CDC40: variants seen among roughly 807,000 people sequenced by gnomAD.
CDC40 encodes pre-mRNA-processing factor 17.
A neutral mutation model predicts 80.6 loss-of-function variants in CDC40; 27 were observed. That is an observed-to-expected ratio of 0.33 (90% CI 0.25 to 0.46). The LOEUF is 0.46. Among genes scored for constraint, CDC40 ranks in the 20% least tolerant of loss-of-function variants. CDC40 has a pLI of 1.00. For synonymous variants in CDC40, 221 were observed against 232.6 expected, an observed-to-expected ratio of 0.95 and a Z score of 0.45; for missense variants, 486 against 694.1, an observed-to-expected ratio of 0.70 and a Z score of 3.37.
In CDC40 at chr6:110,193,279, A is replaced by G. The variant is rs201325988; in HGVS notation, c.276+11A>G. The stretch of plus-strand genomic sequence containing the variant: ...ATGTTTGCTCCTGAGGTAAGAAAAC[A>G]TACTTAAGGTTCTGACTTTTGCTAA... On this transcript the variant is annotated intron_variant, in intron 2 of 14. Coordinates refer to ENST00000307731, the MANE Select transcript of CDC40 (RefSeq NM_015891.3). The G allele has an allele frequency of 6.8e-6, 10 of 1,472,086 alleles. No homozygotes were observed. Among genetic ancestry groups the G allele is most frequent in the East Asian group, 2.3e-5 (1 of 44,190 alleles). The allele number at this position is 1,472,086 out of a possible 1,614,324, so 91.2% of individuals were successfully genotyped here. A position where few individuals can be genotyped will look rare whatever the true frequency, so the allele number is the denominator to read the frequency against.
rs1189324664 is a variant in CDC40, at chr6:110,207,053, A to G, written c.407-453A>G. 2.6e-5 allele frequency among the ~76,000 whole-genome samples: 4 copies of G among 151,994 alleles called. No individual in the cohort carries two copies. The East Asian group carries it at 7.7e-4, about 29-fold the overall frequency. On this transcript the variant is annotated intron_variant, in intron 3 of 14. Transcript: ENST00000307731. Reference sequence around the variant, plus strand: ...TCAGGGGCCGGGAGTGGTGGCTCACACCTGTAATGCCAGCACTTTGGGAGG... The same window carrying G: ...TCAGGGGCCGGGAGTGGTGGCTCACGCCTGTAATGCCAGCACTTTGGGAGG...
intron 10 of CDC40, 95 bp downstream of exon 10, chr6:110,217,898 C>G (rs1366921687): frequency 1.3e-5 from 8 of 633,448 alleles, no homozygotes; most frequent in East Asian, 8.6e-5. Context: ...GGCACCTTCT[C>G]TAACTGCTGA....
intron 12 of CDC40, among the ~76,000 whole-genome samples, chr6:110,221,042 T>A (rs1333320992): frequency 1.3e-5 from 2 of 152,204 alleles, no homozygotes; most frequent in Non-Finnish European, 2.9e-5. Flanking sequence ...TTATATTGGT[T>A]AATTGTACTT....
Position 110,230,789 on chromosome 6 carries a change from T to C in CDC40, c.*658T>C, listed in dbSNP as rs537840871. On this transcript the variant is annotated 3_prime_UTR_variant, in exon 15 of 15. Transcript: ENST00000307731. ...TTCCTGATCAGTATAGACAGGACTA[T>C]ATATATTTAATCAGAGAATTACATT... 1 of 152,272 alleles carries C rather than the reference T, an allele frequency of 6.6e-6. No individual in the cohort carries two copies. Among genetic ancestry groups the C allele is most frequent in the Non-Finnish European group, 1.5e-5 (1 of 68,030 alleles). The allele number at this position is 152,272 out of a possible 1,614,324, so 9.4% of individuals were successfully genotyped here.
chr6:110,214,189 T>C (rs984688522), intron 8 of CDC40, among the ~76,000 whole-genome samples: 1 of 152,182 alleles, frequency 6.6e-6, no homozygotes, highest in Non-Finnish European at 1.5e-5. Context: ...TTTACTTAAC[T>C]TTTACTTTTA....
intron 1 of CDC40, among the ~76,000 whole-genome samples, chr6:110,192,695 T>G (rs919355643): frequency 2.0e-5 from 3 of 152,184 alleles, no homozygotes; most frequent in African/African-American, 7.2e-5. Flanking sequence ...GGGAATGAAT[T>G]TAAGATGTTT....
At position 110,207,498 on chromosome 6, in the gene CDC40, G is replaced by C. The variant is rs757317676; in HGVS notation, c.407-8G>C. 1 of 1,494,644 alleles carries C rather than the reference G, an allele frequency of 6.7e-7. No individual in the cohort carries two copies. Among genetic ancestry groups the C allele is most frequent in the Admixed American group, 1.8e-5 (1 of 56,464 alleles). The allele number at this position is 1,494,644 out of a possible 1,614,324, so 92.6% of individuals were successfully genotyped here. On this transcript the variant is annotated splice_region_variant and splice_polypyrimidine_tract_variant and intron_variant, in intron 3 of 14. Coordinates refer to ENST00000307731, the MANE Select transcript of CDC40 (RefSeq NM_015891.3). ...TGGAGTTAATAATTTTCACTTTTTT[G>C]CTTTCAGGTTATGCATTAGACCCTT...
chr6:110,205,487 A>C (rs1254386814), intron 3 of CDC40, among the ~76,000 whole-genome samples: 2 of 152,232 alleles, frequency 1.3e-5, no homozygotes, highest in Non-Finnish European at 2.9e-5. Context: ...ACTGTTTTCT[A>C]ATCACCTGGG....
rs113612386 is a variant in CDC40, at chr6:110,210,539, G to C, written c.631-168G>C. Among the ~76,000 whole-genome samples, 513 of 140,442 alleles carry C rather than the reference G, an allele frequency of 3.7e-3. 1 individual carries two copies. The highest frequency in any genetic ancestry group is 0.012 in the African/African-American group (460 of 36,874). The allele number at this position is 140,442 out of a possible 152,430, so 92.1% of individuals were successfully genotyped here. On this transcript the variant is annotated intron_variant, in intron 5 of 14. Coordinates refer to ENST00000307731, the MANE Select transcript of CDC40 (RefSeq NM_015891.3). ...TGCACTCCAGCCTGGGCGACAGTGC[G>C]AGACTCATCTCAGAAAAAAAAAAAA...
chr6:110,209,283 T>A, intron 5 of CDC40, 60 bp downstream of exon 5: 1 of 1,443,196 alleles, frequency 6.9e-7, no homozygotes. Context: ...ATGAAGGATA[T>A]CTACATTAAT....
At chr6:110,182,959 G>GT (rs934702937) in intron 1 of CDC40, among the ~76,000 whole-genome samples, 6 of 152,248 alleles carry the variant, frequency 3.9e-5, no homozygotes, top group East Asian at 1.9e-4. Context: ...TGATTTCTAA[G>GT]TTTTTTTGGT....
At chr6:110,209,356 G>C (rs1294170097) in intron 5 of CDC40, 133 bp downstream of exon 5, 1 of 612,002 alleles carries the variant, frequency 1.6e-6, no homozygotes, top group Admixed American at 3.0e-5. Flanking sequence ...TTAGTTGATT[G>C]AAAATATACA....
At chr6:110,185,434 G>A (rs1777255529) in intron 1 of CDC40, among the ~76,000 whole-genome samples, 1 of 149,756 alleles carries the variant, frequency 6.7e-6, no homozygotes, top group Non-Finnish European at 1.5e-5. Context: ...AGTAGAGACG[G>A]GGTTTCACCG....
intron 3 of CDC40, among the ~76,000 whole-genome samples, chr6:110,206,103 T>A (rs1301964775): frequency 1.3e-5 from 2 of 152,184 alleles, no homozygotes; most frequent in South Asian, 4.1e-4. Flanking sequence ...GATGAATCTT[T>A]TTCTGTTCCC....
intron 12 of CDC40, among the ~76,000 whole-genome samples, chr6:110,223,957 C>T (rs1452282591): frequency 6.6e-6 from 1 of 152,114 alleles, no homozygotes; most frequent in East Asian, 1.9e-4. Context: ...CTTAGCCTCC[C>T]GAGTAGCTGG....
intron 2 of CDC40, among the ~76,000 whole-genome samples, chr6:110,194,098 C>T (rs1777387613): frequency 6.6e-6 from 1 of 151,898 alleles, no homozygotes; most frequent in Non-Finnish European, 1.5e-5. Flanking sequence ...CCAGAAACCG[C>T]AAATATTGTT....
At chr6:110,186,483 C>CATAAATAA (rs142888515) in intron 1 of CDC40, among the ~76,000 whole-genome samples, 66 of 151,414 alleles carry the variant, frequency 4.4e-4, no homozygotes, top group African/African-American at 1.3e-3. Flanking sequence ...GACCCTGTCT[C>CATAAATAA]ATAAATAAAT....
At chr6:110,190,236 G>T (rs1253430663) in intron 1 of CDC40, among the ~76,000 whole-genome samples, 2 of 152,112 alleles carry the variant, frequency 1.3e-5, no homozygotes, top group Non-Finnish European at 1.5e-5. Flanking sequence ...TAAGAAGGCG[G>T]CATAAAATAA....
chr6:110,198,478 C>T (rs915095411), intron 2 of CDC40, among the ~76,000 whole-genome samples: 4 of 152,128 alleles, frequency 2.6e-5, no homozygotes, highest in Non-Finnish European at 5.9e-5. Context: ...CACCTGGCCC[C>T]TGTTGGCTAT....
Sources: allele counts gnomAD v4.1 joint callset (sites outside exome capture counted in the v4.1 genomes callset), GRCh38; gene constraint gnomAD v4.1.1; transcripts MANE v1.5; gene names NCBI Gene and HGNC (gene_info 2026-07-23, HGNC 2026-07-21).